Variants in CHD7 observed in about 807,000 individuals in gnomAD.
CHD7 encodes the protein chromodomain helicase DNA binding protein 7, also known as ATP-dependent chromatin remodeler CHD7.
Under a neutral mutation model 307.3 loss-of-function variants are expected in CHD7, and 24 were observed. That is an observed-to-expected ratio of 0.08 (90% CI 0.06 to 0.11). The LOEUF (loss-of-function observed/expected upper bound fraction) is 0.11, where lower values mean the gene tolerates loss of function less well. Among genes scored for constraint, CHD7 ranks in the 10% least tolerant of loss-of-function variants. The pLI is 1.00. For missense variants in CHD7, 3,106 were observed against 3,727.1 expected (o/e 0.83, Z 4.34); for synonymous variants, 1,363 against 1,349.9 (o/e 1.01, Z -0.21).
chr8:60,747,532 A>T (rs182875324), intron 2 of CHD7, among the ~76,000 whole-genome samples: 2 of 152,348 alleles, frequency 1.3e-5, no homozygotes, highest in Non-Finnish European at 2.9e-5. Flanking sequence ...GCATTGTTTT[A>T]TATTTATCAA....
chr8:60,742,676 C>T lies in CHD7; in HGVS notation c.1244C>T (p.Pro415Leu), dbSNP rs765180149. 1.1e-5 allele frequency: 18 copies of T among 1,610,656 alleles called. No individual in the cohort carries two copies. The highest frequency in any genetic ancestry group is 2.2e-5 in the East Asian group (1 of 44,856). Residue 415 changes from proline (P) to leucine (L), a missense_variant, in exon 2 of 38, where the codon CCG becomes CTG. By Grantham distance (98) the Pro-to-Leu change is moderately conservative. This residue lies in a region of CHD7 where 998 missense variants were observed against 1,004.5 expected (regional missense o/e 0.99). Coordinates refer to ENST00000423902, the MANE Select transcript of CHD7 (RefSeq NM_017780.4). ...PAGTPPPQVR[P>L]GSAGIPMEVG... ...GGCACTCCTCCTCCACAAGTCAGGC[C>T]GGGAAGTGCTGGGATACCAATGGAA...
At chr8:60,820,174 T>A in intron 9 of CHD7, 84 bp downstream of exon 9, 7 of 811,800 alleles carry the variant, frequency 8.6e-6, no homozygotes, top group Non-Finnish European at 1.2e-5. Flanking sequence ...ATCCTAGACC[T>A]GGTCTTGGTC....
intron 28 of CHD7, 80 bp from the exon 29 acceptor site, chr8:60,851,939 G>T: frequency 1.1e-6 from 1 of 920,040 alleles, no homozygotes. Flanking sequence ...GAATCTTAAT[G>T]AGTCATCCTG....
chr8:60,747,957 C>T (rs1198429438), intron 2 of CHD7, among the ~76,000 whole-genome samples: 2 of 152,206 alleles, frequency 1.3e-5, no homozygotes, highest in African/African-American at 4.8e-5. Context: ...TCAGAATTGC[C>T]TGTTGCAGAG....
rs932782511 is a variant in CHD7 at position 60,722,332 on chromosome 8, T to A, written c.-174-18927T>A. On this transcript the variant is annotated intron_variant, in intron 1 of 37. Transcript: ENST00000423902. ...TCCATGGGTACGATTGTGGTCATGCTTTTCATATCCAGGGTATTGTAGTTG... is the reference window on the plus strand; with the variant it reads ...TCCATGGGTACGATTGTGGTCATGCATTTCATATCCAGGGTATTGTAGTTG... 7.2e-5 allele frequency among the ~76,000 whole-genome samples: 11 copies of A among 152,356 alleles called. No individual in the cohort carries two copies. The East Asian group carries it at 2.1e-3, about 29-fold the overall frequency.
intron 11 of CHD7, 45 bp from the exon 12 acceptor site, chr8:60,822,458 A>G: frequency 1.3e-6 from 2 of 1,586,242 alleles, no homozygotes; most frequent in Middle Eastern, 1.7e-4. Flanking sequence ...GCAGTGTGTC[A>G]TATCCATACT....
chr8:60,756,211 T>C (rs943881717), intron 2 of CHD7, among the ~76,000 whole-genome samples: 1 of 152,226 alleles, frequency 6.6e-6, no homozygotes, highest in Non-Finnish European at 1.5e-5. Context: ...TTGTTGCATA[T>C]GTAGCCAGTG....
intron 23 of CHD7, among the ~76,000 whole-genome samples, chr8:60,846,727 G>T (rs1013823709): frequency 2.6e-5 from 4 of 152,238 alleles, no homozygotes; most frequent in African/African-American, 9.6e-5. Flanking sequence ...GCTTTGTATG[G>T]ATTATCTGTT....
intron 2 of CHD7, 137 bp downstream of exon 2, chr8:60,743,234 A>T: frequency 1.3e-6 from 1 of 766,880 alleles, no homozygotes; most frequent in South Asian, 1.5e-5. Flanking sequence ...TTATTGGCTT[A>T]TGCATTTATT....
intron 1 of CHD7, among the ~76,000 whole-genome samples, chr8:60,709,852 G>T (rs1807196892): frequency 1.3e-5 from 2 of 152,132 alleles, no homozygotes; most frequent in Non-Finnish European, 2.9e-5. Flanking sequence ...GCCATTTAAA[G>T]ATAGCTATTC....
chr8:60,815,494 C>T (rs752965929), intron 7 of CHD7, among the ~76,000 whole-genome samples: 1 of 152,108 alleles, frequency 6.6e-6, no homozygotes, highest in African/African-American at 2.4e-5. Flanking sequence ...TATTGAAGAA[C>T]TAAGCAAAAG....
At position 60,830,403 on chromosome 8, in the gene CHD7, G is replaced by A. The variant is rs1405896321; in HGVS notation, c.3604G>A (p.Glu1202Lys). ...EDVEKNLAPK[E>K]ETIIEVELTN... ...TGTAGAAAAGAACTTGGCCCCCAAA[G>A]AAGAAACTATTATTGAAGTTGAGCT... Residue 1202 changes from glutamate to lysine, a missense_variant, in exon 15 of 38, where the codon GAA becomes AAA. Glu to Lys is a moderately conservative substitution (Grantham distance 56, BLOSUM62 1). This residue lies in a region of CHD7 where 232 missense variants were observed against 422.5 expected (regional missense o/e 0.55). Coordinates refer to ENST00000423902, the MANE Select transcript of CHD7 (RefSeq NM_017780.4). The A allele has an allele frequency of 6.2e-7, 1 of 1,613,870 alleles. No homozygotes were observed.
intron 7 of CHD7, among the ~76,000 whole-genome samples, chr8:60,810,564 G>T (rs1219750939): frequency 6.6e-6 from 1 of 151,792 alleles, no homozygotes; most frequent in Non-Finnish European, 1.5e-5. Flanking sequence ...TTTAATATTA[G>T]TAATTCCCTT....
intron 1 of CHD7, among the ~76,000 whole-genome samples, chr8:60,692,980 T>C (rs761896881): frequency 2.0e-5 from 3 of 152,224 alleles, no homozygotes; most frequent in East Asian, 3.8e-4. Context: ...GAAGTCATCA[T>C]AACAACTCCT....
intron 1 of CHD7, among the ~76,000 whole-genome samples, chr8:60,723,406 T>C (rs986819702): frequency 6.6e-6 from 1 of 152,140 alleles, no homozygotes; most frequent in Non-Finnish European, 1.5e-5. Flanking sequence ...AGCCTGCACC[T>C]CAGTTATACC....
intron 34 of CHD7, among the ~76,000 whole-genome samples, chr8:60,859,756 A>G (rs1805880594): frequency 6.6e-6 from 1 of 152,262 alleles, no homozygotes; most frequent in East Asian, 1.9e-4. Context: ...GAGCTTCAGC[A>G]GAGATGAGCT....
intron 6 of CHD7, 91 bp downstream of exon 6, chr8:60,801,684 T>C (rs1433824821): frequency 4.7e-6 from 4 of 848,520 alleles, no homozygotes; most frequent in African/African-American, 3.4e-5. Context: ...AATTCTAATA[T>C]TATAAAATAA....
At position 60,822,614 on chromosome 8, in the gene CHD7, C is replaced by G; in HGVS notation, c.3069C>G (p.Ala1023=). Residue 1023 remains alanine (A), a synonymous_variant, in exon 12 of 38, where the codon GCC becomes GCG. Transcript: ENST00000423902. ...KGIHGPFLVI[A]PLSTIPNWER... Reference sequence around the variant, plus strand: ...TCCATGGCCCTTTTTTAGTAATTGCCCCATTGTCCACAATCCCCAACTGGG... The same window carrying G: ...TCCATGGCCCTTTTTTAGTAATTGCGCCATTGTCCACAATCCCCAACTGGG... The G allele has an allele frequency of 6.2e-7, 1 of 1,613,748 alleles. No homozygotes were observed. The highest frequency in any genetic ancestry group is 8.5e-7 in the Non-Finnish European group (1 of 1,179,758).
At chr8:60,797,133 G>C (rs1812071765) in intron 4 of CHD7, among the ~76,000 whole-genome samples, 1 of 152,124 alleles carries the variant, frequency 6.6e-6, no homozygotes, top group Non-Finnish European at 1.5e-5. Context: ...GATAATAATA[G>C]TTTACCAGAT....
Sources: allele counts gnomAD v4.1 joint callset (sites outside exome capture counted in the v4.1 genomes callset), GRCh38; gene constraint gnomAD v4.1.1; regional missense constraint gnomAD v4.1.1; transcripts MANE v1.5; gene names NCBI Gene and HGNC (gene_info 2026-07-23, HGNC 2026-07-21).